The following AGPAT3 variants were observed in gnomAD, a reference collection of about 807,000 sequenced individuals.
The protein encoded by AGPAT3 is 1-acylglycerol-3-phosphate O-acyltransferase 3.
In AGPAT3, 5 loss-of-function variants were observed where a neutral mutation model predicts 47.3. The observed-to-expected ratio is 0.11, with a 90% CI of 0.06 to 0.22. The LOEUF (loss-of-function observed/expected upper bound fraction) is 0.22, where lower values mean the gene tolerates loss of function less well. Ranked by LOEUF, AGPAT3 falls within the 10% of genes least tolerant of loss-of-function variation. The pLI, the probability that AGPAT3 is intolerant of heterozygous loss-of-function variation, is 1.00. For synonymous variants in AGPAT3, 212 were observed against 208.3 expected (o/e 1.02, Z -0.15); for missense variants, 315 against 493.0 (o/e 0.64, Z 3.42).
intron 2 of AGPAT3, among the ~76,000 whole-genome samples, chr21:43,956,171 A>G (rs2088453985): frequency 6.6e-6 from 1 of 152,114 alleles, no homozygotes; most frequent in Non-Finnish European, 1.5e-5. Context: ...ACAACTCAGG[A>G]TCTGGTCGAA....
chr21:43,987,340 A>C lies in AGPAT3; in HGVS notation c.*4948A>C, dbSNP rs1037721548. Among the ~76,000 whole-genome samples, 1 of 152,120 alleles carries C rather than the reference A, an allele frequency of 6.6e-6. No individual in the cohort carries two copies. The highest frequency in any genetic ancestry group is 2.4e-5 in the African/African-American group (1 of 41,416). ...CCTACGAGTTGCTTTCTGGGAGGGG[A>C]AATTGAAAAGGAGAGCGGTCACCTG... On this transcript the variant is annotated 3_prime_UTR_variant, in exon 10 of 10. Coordinates refer to ENST00000291572, the MANE Select transcript of AGPAT3 (RefSeq NM_020132.5).
At chr21:43,910,867 TG>T (rs2086617155) in intron 2 of AGPAT3, among the ~76,000 whole-genome samples, 1 of 152,128 alleles carries the variant, frequency 6.6e-6, no homozygotes. Flanking sequence ...GATGGAGGGT[TG>T]GAGGTTAAGG....
chr21:43,919,604 T>G (rs1042335505), intron 2 of AGPAT3, among the ~76,000 whole-genome samples: 3 of 152,232 alleles, frequency 2.0e-5, no homozygotes, highest in African/African-American at 7.2e-5. Context: ...GCTGCAAACA[T>G]GCATATGTCT....
chr21:43,870,563 A>AC (rs1419094559), intron 1 of AGPAT3, among the ~76,000 whole-genome samples: 188 of 149,640 alleles, frequency 1.3e-3, no homozygotes, highest in Middle Eastern at 3.4e-3. Context: ...AAAAAAAAAA[A>AC]AACCCAAAAA....
rs1274084354 is a variant in AGPAT3, at chr21:43,908,555, G to A, written c.-49+4536G>A. Among the ~76,000 whole-genome samples, 1 of 152,204 alleles carries A rather than the reference G, an allele frequency of 6.6e-6. No individual in the cohort carries two copies. The highest frequency in any genetic ancestry group is 1.5e-5 in the Non-Finnish European group (1 of 68,050). On this transcript the variant is annotated intron_variant, in intron 2 of 9. Coordinates refer to ENST00000291572, the MANE Select transcript of AGPAT3 (RefSeq NM_020132.5). The surrounding 1 kb of genome is among the most constrained non-coding windows in gnomAD (Gnocchi z 4.9). ...CCCAGCTCTTGCATAGACAGAAGGT[G>A]AGGGCATGGGGTAGGGGGAGTGGAG...
rs1425523909 is a variant in AGPAT3, at chr21:43,930,024, GTCC to G, written c.-49+26010_-49+26012del. Reference sequence around the variant, plus strand: ...CCGGAGAGAGAGGACTTGAGTGACTGTCCTCCTGGAACCCAGGGTGCCTTGTCC... The same window carrying G: ...CCGGAGAGAGAGGACTTGAGTGACTGTCCTGGAACCCAGGGTGCCTTGTCC... On this transcript the variant is annotated intron_variant, in intron 2 of 9. Coordinates refer to ENST00000291572, the MANE Select transcript of AGPAT3 (RefSeq NM_020132.5). The surrounding 1 kb of genome is among the most constrained non-coding windows in gnomAD (Gnocchi z 5.0). Among the ~76,000 whole-genome samples the G allele has an allele frequency of 1.3e-5, 2 of 152,236 alleles. No homozygotes were observed. Among genetic ancestry groups the G allele is most frequent in the African/African-American group, 2.4e-5 (1 of 41,460 alleles).
At chr21:43,949,654 G>C (rs8134198) in intron 2 of AGPAT3, among the ~76,000 whole-genome samples, 2 of 152,162 alleles carry the variant, frequency 1.3e-5, no homozygotes, top group Non-Finnish European at 2.9e-5. Context: ...GTTCAGGGAA[G>C]GGGTGGTTGC....
In AGPAT3 at chr21:43,952,800, C is replaced by T. The variant is rs1167062279; in HGVS notation, c.-48-6834C>T. On this transcript the variant is annotated intron_variant, in intron 2 of 9. Coordinates refer to ENST00000291572, the MANE Select transcript of AGPAT3 (RefSeq NM_020132.5). The surrounding 1 kb of genome is among the most constrained non-coding windows in gnomAD (Gnocchi z 5.6). ...AAGGTGCCATGGGGACTGGAGAGGC[C>T]CACTGTCACACCTCCCAGCCCCAGC... is the stretch of plus-strand genomic sequence containing the variant. Among the ~76,000 whole-genome samples, 1 of 151,934 alleles carries T rather than the reference C, an allele frequency of 6.6e-6. No individual in the cohort carries two copies. The highest frequency in any genetic ancestry group is 1.5e-5 in the Non-Finnish European group (1 of 67,986).
chr21:43,886,859 T>C (rs1338778726), intron 1 of AGPAT3, among the ~76,000 whole-genome samples: 1 of 152,238 alleles, frequency 6.6e-6, no homozygotes, highest in East Asian at 1.9e-4. Flanking sequence ...GATGGACATG[T>C]GGGTTGCCTC....
At chr21:43,910,566 C>T (rs2086610017) in intron 2 of AGPAT3, among the ~76,000 whole-genome samples, 1 of 152,104 alleles carries the variant, frequency 6.6e-6, no homozygotes, top group Admixed American at 6.5e-5. Flanking sequence ...GAGCGGAGGG[C>T]CGAGGAGGGC....
intron 1 of AGPAT3, among the ~76,000 whole-genome samples, chr21:43,885,706 T>A (rs2085959886): frequency 6.6e-6 from 1 of 152,072 alleles, no homozygotes; most frequent in Non-Finnish European, 1.5e-5. Flanking sequence ...ATAAGCTGAT[T>A]TGGAGGAAGA....
chr21:43,923,794 G>A (rs2086968188), intron 2 of AGPAT3, among the ~76,000 whole-genome samples: 1 of 152,186 alleles, frequency 6.6e-6, no homozygotes, highest in African/African-American at 2.4e-5. Context: ...CTGGGGAGCT[G>A]GGGTGCACGG....
Position 43,969,028 on chromosome 21 carries a change from A to G in AGPAT3, c.349-90A>G, listed in dbSNP as rs112291589. ...GCCGTGACTCCTAGAGCGACACCAC[A>G]CAGGAGCTGGGTGCAGCGGGAGCCT... On this transcript the variant is annotated intron_variant, in intron 4 of 9. Coordinates refer to ENST00000291572, the MANE Select transcript of AGPAT3 (RefSeq NM_020132.5). 3.3e-4 allele frequency: 463 copies of G among 1,404,738 alleles called. 1 individual carries two copies. In the African/African-American group the frequency reaches 4.1e-3, roughly 12 times the overall value. The allele number at this position is 1,404,738 out of a possible 1,614,324, so 87.0% of individuals were successfully genotyped here. A position where few individuals can be genotyped will look rare whatever the true frequency, so the allele number is the denominator to read the frequency against.
chr21:43,871,190 C>T (rs567829281), intron 1 of AGPAT3, among the ~76,000 whole-genome samples: 15 of 152,174 alleles, frequency 9.9e-5, no homozygotes, highest in Non-Finnish European at 1.5e-4. Context: ...GGACAAAACA[C>T]GCATTTCCAA....
chr21:43,870,592 G>A (rs985363609), intron 1 of AGPAT3, among the ~76,000 whole-genome samples: 2 of 151,768 alleles, frequency 1.3e-5, no homozygotes, highest in Non-Finnish European at 2.9e-5. Context: ...GTGTGGTGGC[G>A]CATGCATAGG....
At chr21:43,889,889 G>A (rs753961918) in intron 1 of AGPAT3, among the ~76,000 whole-genome samples, 3 of 152,230 alleles carry the variant, frequency 2.0e-5, no homozygotes, top group Non-Finnish European at 4.4e-5. Context: ...ACTCAGGGAG[G>A]TGGTTGCTGA....
chr21:43,961,546 T>C (rs2088850859), intron 3 of AGPAT3, among the ~76,000 whole-genome samples: 1 of 149,232 alleles, frequency 6.7e-6, no homozygotes, highest in Non-Finnish European at 1.5e-5. Flanking sequence ...ATACACTTTG[T>C]CTCATATGGA....
At chr21:43,958,818 G>A (rs946845406) in intron 2 of AGPAT3, among the ~76,000 whole-genome samples, 1 of 148,602 alleles carries the variant, frequency 6.7e-6, no homozygotes, top group African/African-American at 2.5e-5. Context: ...TGTAGTGTGT[G>A]TGGTTTGTGA....
intron 1 of AGPAT3, among the ~76,000 whole-genome samples, chr21:43,899,570 G>T (rs2086304851): frequency 1.3e-5 from 2 of 152,160 alleles, no homozygotes; most frequent in South Asian, 4.1e-4. Flanking sequence ...GTTGGGGAGG[G>T]CTGGCAGACA....
Sources: allele counts gnomAD v4.1 joint callset (sites outside exome capture counted in the v4.1 genomes callset), GRCh38; gene constraint gnomAD v4.1.1; non-coding constraint Gnocchi (gnomAD v3.1); transcripts MANE v1.5; gene names NCBI Gene and HGNC (gene_info 2026-07-23, HGNC 2026-07-21).